JAK2: variants seen among roughly 807,000 people sequenced by gnomAD.
JAK2 encodes Janus kinase 2.
JAK2 carries 86 observed loss-of-function variants against 139.3 expected under a neutral mutation model. That is an observed-to-expected ratio of 0.62 (90% confidence interval 0.52 to 0.74). The LOEUF (loss-of-function observed/expected upper bound fraction) is 0.74. Among genes scored for constraint, JAK2 ranks in the 30% least tolerant of loss-of-function variants. The probability of loss-of-function intolerance (pLI) is 0.00; values close to 1 mark genes in which losing one functional copy is unlikely to be tolerated. For missense variants in JAK2, 1,421 were observed against 1,360.3 expected, an observed-to-expected ratio of 1.04 and a Z score of -0.70; for synonymous variants, 490 against 437.7, an observed-to-expected ratio of 1.12 and a Z score of -1.49.
At chr9:5,018,554 C>T (rs1399642387) in intron 2 of JAK2, among the ~76,000 whole-genome samples, 1 of 152,068 alleles carries the variant, frequency 6.6e-6, no homozygotes, top group African/African-American at 2.4e-5. Context: ...GTCCAGGCTG[C>T]TCTTGAACTC....
chr9:5,092,415 C>T (rs754827573), intron 22 of JAK2, among the ~76,000 whole-genome samples: 4 of 152,120 alleles, frequency 2.6e-5, no homozygotes, highest in South Asian at 2.1e-4. Flanking sequence ...AACAAAGTGT[C>T]GCTTAACCCA....
intron 2 of JAK2, among the ~76,000 whole-genome samples, chr9:5,003,279 G>A (rs567402331): frequency 2.6e-5 from 4 of 152,060 alleles, no homozygotes; most frequent in Admixed American, 2.6e-4. Context: ...TTGGAAGTGG[G>A]TTGAATCTAT....
intron 2 of JAK2, among the ~76,000 whole-genome samples, chr9:5,012,267 A>T (rs1422667333): frequency 6.6e-6 from 1 of 152,202 alleles, no homozygotes; most frequent in East Asian, 1.9e-4. Context: ...AAGAGTAAGT[A>T]TGGGCCTCAT....
At chr9:5,001,900 G>A (rs1451293159) in intron 2 of JAK2, among the ~76,000 whole-genome samples, 2 of 151,734 alleles carry the variant, frequency 1.3e-5, no homozygotes, top group Non-Finnish European at 2.9e-5. Context: ...TGTCAGTTTT[G>A]GTAATTTTTG....
At chr9:5,087,695 C>T (rs1004668431) in intron 19 of JAK2, among the ~76,000 whole-genome samples, 1 of 152,134 alleles carries the variant, frequency 6.6e-6, no homozygotes, top group African/African-American at 2.4e-5. Flanking sequence ...TATACATTTT[C>T]CCACTGCTTA....
At chr9:5,003,354 A>G (rs1353302798) in intron 2 of JAK2, among the ~76,000 whole-genome samples, 1 of 151,986 alleles carries the variant, frequency 6.6e-6, no homozygotes, top group African/African-American at 2.4e-5. Context: ...TTATATCAGC[A>G]TGGTCTATCC....
Position 5,022,070 on chromosome 9 carries a change from A to T in JAK2, c.83A>T (p.Asn28Ile). ...SIYQNGDISG[N>I]ANSMKQIDPV... is the part of the protein sequence containing the mutation. ...TATCAGAATGGTGATATTTCTGGAA[A>T]TGCCAATTCTATGAAGCAAATAGAT... is the stretch of plus-strand genomic sequence containing the variant. Residue 28 changes from asparagine to isoleucine, a missense_variant, in exon 3 of 25, where the codon AAT (asparagine) becomes ATT (isoleucine). By Grantham distance (149) the Asn-to-Ile change is moderately radical. Coordinates refer to ENST00000381652, the MANE Select transcript of JAK2 (RefSeq NM_004972.4). The T allele has an allele frequency of 6.2e-7, 1 of 1,614,144 alleles. No homozygotes were observed. The highest frequency in any genetic ancestry group is 8.5e-7 in the Non-Finnish European group (1 of 1,179,956).
At chr9:5,015,732 C>A (rs7046736) in intron 2 of JAK2, among the ~76,000 whole-genome samples, 58,545 of 151,800 alleles carry the variant, frequency 0.39, 12,375 homozygotes, top group African/African-American at 0.57. Flanking sequence ...TTTTTCGTAG[C>A]AAAGCATCAA....
intron 2 of JAK2, among the ~76,000 whole-genome samples, chr9:4,989,806 GA>G (rs1300106019): frequency 6.6e-6 from 1 of 152,158 alleles, no homozygotes; most frequent in Non-Finnish European, 1.5e-5. Context: ...TAACTTGACT[GA>G]AATGAAGATT....
chr9:5,041,845 T>C (rs536334712), intron 4 of JAK2: 1 of 472,606 alleles, frequency 2.1e-6, no homozygotes, highest in Non-Finnish European at 4.2e-6. Context: ...AATGGGGAGC[T>C]GAACGCGGAC....
chr9:5,091,121 T>C (rs564018248), intron 22 of JAK2: 6 of 406,766 alleles, frequency 1.5e-5, no homozygotes, highest in East Asian at 1.3e-4. Context: ...CTATTAAGTG[T>C]TGTCTTATTT....
At chr9:5,041,737 C>A in intron 4 of JAK2, 1 of 492,266 alleles carries the variant, frequency 2.0e-6, no homozygotes, top group Non-Finnish European at 4.0e-6. Context: ...AAGCCCTTGG[C>A]GACCCCCATC....
intron 22 of JAK2, chr9:5,112,898 G>A (rs551594065): frequency 2.3e-5 from 8 of 343,142 alleles, no homozygotes; most frequent in African/African-American, 1.3e-4. Context: ...CCCGTGGGCT[G>A]GGCCCAGAAC....
chr9:5,036,344 G>A (rs7856825), intron 4 of JAK2, among the ~76,000 whole-genome samples: 14,803 of 152,148 alleles, frequency 0.097, 2,203 homozygotes, highest in African/African-American at 0.32. Context: ...TCAAGCTACA[G>A]ATGACTTTCT....
At chr9:5,008,452 G>C (rs1158330699) in intron 2 of JAK2, among the ~76,000 whole-genome samples, 1 of 152,212 alleles carries the variant, frequency 6.6e-6, no homozygotes, top group East Asian at 1.9e-4. Context: ...GGTGATTGAG[G>C]AGGAGAAAGT....
chr9:5,089,782 G>T lies in JAK2; in HGVS notation c.2680G>T (p.Asp894Tyr). The T allele has an allele frequency of 6.2e-7, 1 of 1,600,092 alleles. No individual in the cohort carries two copies. Residue 894 changes from aspartate to tyrosine, a missense_variant, in exon 20 of 25, where the codon GAC becomes TAC. Transcript: ENST00000381652. The stretch of plus-strand genomic sequence containing the variant: ...GCATAGTACTGAAGAGCACCTAAGA[G>T]ACTTTGAAAGGGAAATTGAAATCCT... ...LQHSTEEHLR[D>Y]FEREIEILKS...
Position 5,089,791 on chromosome 9 carries a change from A to G in JAK2, c.2689A>G (p.Arg897Gly). 2 of 1,599,284 alleles carry G rather than the reference A, an allele frequency of 1.3e-6. No homozygotes were observed. Among genetic ancestry groups the G allele is most frequent in the Non-Finnish European group, 1.7e-6 (2 of 1,172,998 alleles). The change falls in exon 20 of 25, where the codon AGG (arginine) becomes GGG (glycine). Residue 897 changes from arginine to glycine, a missense_variant. Transcript: ENST00000381652. The stretch of plus-strand genomic sequence containing the variant: ...TGAAGAGCACCTAAGAGACTTTGAA[A>G]GGGAAATTGAAATCCTGAAATCCCT... The part of the protein sequence containing the change: ...STEEHLRDFE[R>G]EIEILKSLQH...
rs560410396 is a variant in JAK2, at chr9:5,129,778, C to T, written c.*2987C>T. Among the ~76,000 whole-genome samples the T allele has an allele frequency of 2.0e-5, 3 of 152,106 alleles. No homozygotes were observed. The highest frequency in any genetic ancestry group is 4.4e-5 in the Non-Finnish European group (3 of 67,976). On this transcript the variant is annotated 3_prime_UTR_variant, in exon 25 of 25. Coordinates refer to ENST00000381652, the MANE Select transcript of JAK2 (RefSeq NM_004972.4). ...AGATTTCAAAATGACACTGAGAGAA[C>T]TGAAAAACTACATCAGTCAAATTCA...
intron 22 of JAK2, chr9:5,108,460 T>C (rs1340668552): frequency 6.6e-6 from 1 of 152,106 alleles, no homozygotes; most frequent in Non-Finnish European, 1.5e-5. Context: ...CTAGTAATGA[T>C]ATTTACTGAC....
Sources: allele counts gnomAD v4.1 joint callset (sites outside exome capture counted in the v4.1 genomes callset), GRCh38; gene constraint gnomAD v4.1.1; transcripts MANE v1.5; gene names NCBI Gene and HGNC (gene_info 2026-07-23, HGNC 2026-07-21).